The following NOL4 variants were observed in gnomAD, a reference collection of about 807,000 sequenced individuals.
NOL4 encodes the protein nucleolar protein 4.
In NOL4, 17 loss-of-function variants were observed where a neutral mutation model predicts 75.9. The observed-to-expected ratio is 0.22, with a 90% confidence interval of 0.15 to 0.34. The LOEUF (loss-of-function observed/expected upper bound fraction) is 0.34. NOL4 is among the 10% of genes least tolerant of loss of function. The pLI is 1.00. For synonymous variants in NOL4, 292 were observed against 289.9 expected (o/e 1.01, Z -0.07); for missense variants, 614 against 793.5 (o/e 0.77, Z 2.72).
intron 2 of NOL4, among the ~76,000 whole-genome samples, chr18:34,113,353 T>C (rs1235260880): frequency 2.0e-5 from 3 of 152,162 alleles, no homozygotes; most frequent in Non-Finnish European, 2.9e-5. Context: ...GCTTCATTAC[T>C]GAAGTTCTTA....
chr18:33,861,811 G>A (rs2063149659), intron 10 of NOL4, among the ~76,000 whole-genome samples: 1 of 152,022 alleles, frequency 6.6e-6, no homozygotes, highest in Non-Finnish European at 1.5e-5. Flanking sequence ...TCATGGGTAG[G>A]AAGAATCAAT....
chr18:34,176,852 C>G (rs1600803648), intron 1 of NOL4, among the ~76,000 whole-genome samples: 1 of 151,860 alleles, frequency 6.6e-6, no homozygotes, highest in South Asian at 2.1e-4. Context: ...GTTATGGCAG[C>G]CAAAAATGCT....
intron 1 of NOL4, among the ~76,000 whole-genome samples, chr18:34,157,496 A>C (rs2030638441): frequency 6.6e-6 from 1 of 152,168 alleles, no homozygotes; most frequent in South Asian, 2.1e-4. Context: ...GAAGTAGCTC[A>C]GAAAAAAGGT....
At chr18:34,132,583 G>A (rs1378722262) in intron 1 of NOL4, among the ~76,000 whole-genome samples, 2 of 152,044 alleles carry the variant, frequency 1.3e-5, no homozygotes, top group African/African-American at 4.8e-5. Flanking sequence ...TACTCTATAA[G>A]TAAAAATCAA....
chr18:33,963,766 C>G (rs532813654), intron 6 of NOL4, among the ~76,000 whole-genome samples: 14 of 152,246 alleles, frequency 9.2e-5, no homozygotes, highest in African/African-American at 3.4e-4. Context: ...TTTGACCTTT[C>G]CTTTTCTCAA....
chr18:34,147,459 A>G (rs946605545), intron 1 of NOL4, among the ~76,000 whole-genome samples: 19 of 152,254 alleles, frequency 1.2e-4, no homozygotes, highest in Admixed American at 9.8e-4. Context: ...CCTTTTCTCC[A>G]TCTATTGAGA....
At chr18:34,185,137 A>G (rs1166378390) in intron 1 of NOL4, among the ~76,000 whole-genome samples, 2 of 152,128 alleles carry the variant, frequency 1.3e-5, no homozygotes, top group Non-Finnish European at 2.9e-5. Context: ...CTAGATTCCC[A>G]TGGTCAACCA....
intron 1 of NOL4, among the ~76,000 whole-genome samples, chr18:34,171,427 T>A (rs1389452525): frequency 6.6e-6 from 1 of 152,184 alleles, no homozygotes; most frequent in Non-Finnish European, 1.5e-5. Flanking sequence ...AATAAATTTG[T>A]AATTAATTTG....
intron 10 of NOL4, among the ~76,000 whole-genome samples, chr18:33,880,858 A>G (rs2144644067): frequency 6.6e-6 from 1 of 152,176 alleles, no homozygotes; most frequent in Non-Finnish European, 1.5e-5. Context: ...TCAGTTATAT[A>G]ATAGTGCTGC....
At chr18:33,888,085 T>C (rs2064872007) in intron 9 of NOL4, among the ~76,000 whole-genome samples, 2 of 152,278 alleles carry the variant, frequency 1.3e-5, no homozygotes, top group East Asian at 3.9e-4. Flanking sequence ...GCACCTTTTG[T>C]TTCCTGACTT....
intron 1 of NOL4, among the ~76,000 whole-genome samples, chr18:34,210,203 C>T (rs1033031595): frequency 6.6e-6 from 1 of 152,104 alleles, no homozygotes; most frequent in Non-Finnish European, 1.5e-5. Context: ...AGTCATTAAG[C>T]ATGTTGAGCA....
chr18:34,086,249 G>A (rs1250577329), intron 5 of NOL4, among the ~76,000 whole-genome samples: 1 of 152,048 alleles, frequency 6.6e-6, no homozygotes. Flanking sequence ...TATTAGGAAC[G>A]AATTCAATTT....
At chr18:34,100,313 A>T (rs974057502) in intron 4 of NOL4, among the ~76,000 whole-genome samples, 1 of 152,114 alleles carries the variant, frequency 6.6e-6, no homozygotes, top group African/African-American at 2.4e-5. Flanking sequence ...TGATTTTAGA[A>T]AAAAATATAT....
chr18:33,942,455 A>C (rs2068555480), intron 9 of NOL4, among the ~76,000 whole-genome samples: 1 of 151,850 alleles, frequency 6.6e-6, no homozygotes, highest in Admixed American at 6.6e-5. Flanking sequence ...AGCAAAGTAC[A>C]AAAAAAAGAA....
chr18:33,998,147 A>C (rs921644822), intron 6 of NOL4, among the ~76,000 whole-genome samples: 2 of 152,044 alleles, frequency 1.3e-5, no homozygotes, highest in African/African-American at 4.8e-5. Flanking sequence ...AGTCATAGTT[A>C]AGGGGTATAA....
intron 1 of NOL4, among the ~76,000 whole-genome samples, chr18:34,158,410 C>A (rs1286282721): frequency 6.6e-6 from 1 of 152,118 alleles, no homozygotes; most frequent in Admixed American, 6.5e-5. Context: ...TTTAATTTAC[C>A]CCCCACCCTC....
At chr18:33,997,767 T>C (rs1188219498) in intron 6 of NOL4, among the ~76,000 whole-genome samples, 3 of 150,348 alleles carry the variant, frequency 2.0e-5, no homozygotes, top group African/African-American at 7.3e-5. Context: ...TATGTAGAAA[T>C]ACCACAAAAT....
chr18:33,855,269 A>G (rs2062788704), intron 10 of NOL4, among the ~76,000 whole-genome samples: 2 of 152,102 alleles, frequency 1.3e-5, no homozygotes, highest in Non-Finnish European at 1.5e-5. Flanking sequence ...GGTTGCTACC[A>G]TTCATTTCTG....
At chr18:34,039,923 T>C (rs2076067793) in intron 5 of NOL4, among the ~76,000 whole-genome samples, 1 of 152,002 alleles carries the variant, frequency 6.6e-6, no homozygotes, top group African/African-American at 2.4e-5. Context: ...ATACTCAACA[T>C]TTTATTATAA....
Sources: gnomAD v4.1 joint callset for allele counts (sites outside exome capture counted in the v4.1 genomes callset) on GRCh38, gnomAD v4.1.1 for gene constraint, MANE v1.5 for transcripts, NCBI Gene and HGNC (gene_info 2026-07-23, HGNC 2026-07-21) for gene names.